Variants in XKR6 observed in about 807,000 individuals in gnomAD.
XKR6 encodes the protein XK related 6.
A neutral mutation model predicts 56.7 loss-of-function variants in XKR6; 22 were observed. That is an observed-to-expected ratio of 0.39 (90% CI 0.28 to 0.55). The LOEUF is 0.55. Among genes scored for constraint, XKR6 ranks in the 20% least tolerant of loss-of-function variants. The probability of loss-of-function intolerance (pLI) is 0.66; values close to 1 mark genes in which losing one functional copy is unlikely to be tolerated. For missense variants in XKR6, 852 were observed against 889.0 expected, an observed-to-expected ratio of 0.96 and a Z score of 0.53; for synonymous variants, 524 against 387.8, an observed-to-expected ratio of 1.35 and a Z score of -4.13.
At chr8:10,921,430 G>C (rs1800714575) in intron 2 of XKR6, among the ~76,000 whole-genome samples, 1 of 152,186 alleles carries the variant, frequency 6.6e-6, no homozygotes. Flanking sequence ...GTGACCGTCA[G>C]AGCCCTATAA....
chr8:11,179,829 T>C (rs921464816), intron 1 of XKR6, among the ~76,000 whole-genome samples: 1 of 152,158 alleles, frequency 6.6e-6, no homozygotes, highest in Non-Finnish European at 1.5e-5. Flanking sequence ...AAACAGATTA[T>C]AAACAGGACT....
chr8:11,045,329 CTA>C (rs1394433901), intron 1 of XKR6, among the ~76,000 whole-genome samples: 1 of 152,006 alleles, frequency 6.6e-6, no homozygotes, highest in Non-Finnish European at 1.5e-5. Context: ...CTCAAGTGAT[CTA>C]CCCATCTTGG....
intron 1 of XKR6, among the ~76,000 whole-genome samples, chr8:11,048,364 C>T (rs1254416657): frequency 6.6e-6 from 1 of 152,174 alleles, no homozygotes. Context: ...AGGGAAACTA[C>T]TGCTTTCTGG....
At chr8:11,024,206 TGTG>T (rs1798810637) in intron 1 of XKR6, among the ~76,000 whole-genome samples, 1 of 39,784 alleles carries the variant, frequency 2.5e-5, no homozygotes, top group South Asian at 8.2e-4. Context: ...TGTTAGGAGG[TGTG>T]TGTGTGTGTG....
At chr8:11,187,914 G>A (rs1010038231) in intron 1 of XKR6, among the ~76,000 whole-genome samples, 6 of 152,218 alleles carry the variant, frequency 3.9e-5, no homozygotes, top group Admixed American at 6.5e-5. Flanking sequence ...AATGCTGAGC[G>A]CAAGTTTCAA....
chr8:10,917,545 CAG>C (rs1427195937), intron 2 of XKR6, among the ~76,000 whole-genome samples: 1 of 152,214 alleles, frequency 6.6e-6, no homozygotes, highest in Non-Finnish European at 1.5e-5. Flanking sequence ...GTTCTGGGGT[CAG>C]AGGTCACTCT....
chr8:11,033,383 T>C (rs1799049491), intron 1 of XKR6, among the ~76,000 whole-genome samples: 1 of 150,350 alleles, frequency 6.7e-6, no homozygotes, highest in Non-Finnish European at 1.5e-5. Flanking sequence ...ATGGTGGTGG[T>C]GATGATGATG....
At position 11,167,221 on chromosome 8, in the gene XKR6, T is replaced by C. The variant is rs556714228; in HGVS notation, c.764+33355A>G. ...GAACTCTGGAAAACAGTGAAATGCT[T>C]ACAGCAACCAACTGAACACTGAATC... On this transcript the variant is annotated intron_variant, in intron 1 of 2. Coordinates refer to ENST00000416569, the MANE Select transcript of XKR6 (RefSeq NM_173683.4). Among the ~76,000 whole-genome samples, 49 of 152,318 alleles carry C rather than the reference T, an allele frequency of 3.2e-4. 1 individual carries two copies. Among genetic ancestry groups the C allele is most frequent in the Middle Eastern group, 3.4e-3 (1 of 294 alleles).
chr8:10,922,267 G>C (rs763980502), intron 2 of XKR6, among the ~76,000 whole-genome samples: 2 of 152,264 alleles, frequency 1.3e-5, no homozygotes, highest in Non-Finnish European at 2.9e-5. Context: ...TCAGATGGGA[G>C]AGAAAGGTGT....
chr8:10,998,039 G>A (rs116634201), intron 1 of XKR6, among the ~76,000 whole-genome samples: 2,042 of 152,276 alleles, frequency 0.013, 48 homozygotes, highest in African/African-American at 0.046. Context: ...CAACAGGTCT[G>A]AAGAGACACC....
chr8:10,938,082 A>G (rs551428238), intron 1 of XKR6, among the ~76,000 whole-genome samples: 2,569 of 152,302 alleles, frequency 0.017, 72 homozygotes, highest in African/African-American at 0.059. Flanking sequence ...CTCCGAGCCA[A>G]GTGTGGGATA....
chr8:10,933,115 A>T (rs200756663), intron 1 of XKR6, among the ~76,000 whole-genome samples: 1 of 150,620 alleles, frequency 6.6e-6, no homozygotes, highest in Non-Finnish European at 1.5e-5. Flanking sequence ...GATATCTCAT[A>T]GTGGTTTTGA....
At chr8:11,032,257 AAAC>A (rs1799010263) in intron 1 of XKR6, among the ~76,000 whole-genome samples, 1 of 152,260 alleles carries the variant, frequency 6.6e-6, no homozygotes, top group Admixed American at 6.5e-5. Flanking sequence ...AAGCAAAGGA[AAAC>A]AACATCTTGG....
chr8:10,985,871 G>C (rs1320190948), intron 1 of XKR6, among the ~76,000 whole-genome samples: 1 of 152,164 alleles, frequency 6.6e-6, no homozygotes, highest in Admixed American at 6.5e-5. Context: ...CTCCCAGAGC[G>C]CTGGGATTAC....
intron 1 of XKR6, among the ~76,000 whole-genome samples, chr8:11,197,551 C>T (rs1338295994): frequency 6.6e-6 from 1 of 152,194 alleles, no homozygotes; most frequent in African/African-American, 2.4e-5. Context: ...GTTATCCCCA[C>T]AAAAAGCACC....
At chr8:11,034,888 C>T (rs941993080) in intron 1 of XKR6, among the ~76,000 whole-genome samples, 1 of 152,226 alleles carries the variant, frequency 6.6e-6, no homozygotes, top group Non-Finnish European at 1.5e-5. Context: ...CACAGTGATG[C>T]ATAAGCTGGG....
At chr8:11,060,516 G>A (rs866534571) in intron 1 of XKR6, among the ~76,000 whole-genome samples, 7 of 152,198 alleles carry the variant, frequency 4.6e-5, no homozygotes, top group African/African-American at 1.2e-4. Context: ...CCTGATCCTC[G>A]GATGCCCAGG....
intron 1 of XKR6, among the ~76,000 whole-genome samples, chr8:11,060,903 T>A (rs11997437): frequency 6.6e-6 from 1 of 152,194 alleles, no homozygotes; most frequent in African/African-American, 2.4e-5. Flanking sequence ...CAAACCCTGA[T>A]GAAGGGTAAA....
intron 1 of XKR6, among the ~76,000 whole-genome samples, chr8:11,003,086 G>A (rs1276607351): frequency 6.6e-6 from 1 of 152,112 alleles, no homozygotes; most frequent in Non-Finnish European, 1.5e-5. Flanking sequence ...GGAGGACTCA[G>A]AAGGAAGGTT....
Sources: allele counts gnomAD v4.1 joint callset (sites outside exome capture counted in the v4.1 genomes callset), GRCh38; gene constraint gnomAD v4.1.1; transcripts MANE v1.5; gene names NCBI Gene and HGNC (gene_info 2026-07-23, HGNC 2026-07-21).